The following CACNA1C variants were observed in gnomAD, a reference collection of about 807,000 sequenced individuals.
CACNA1C encodes voltage-dependent L-type calcium channel subunit alpha-1C.
CACNA1C carries 30 observed loss-of-function variants against 229.0 expected under a neutral mutation model. The ratio of observed to expected loss-of-function variants is 0.13; its 90% CI spans 0.10 to 0.18. The LOEUF is 0.18. Among genes scored for constraint, CACNA1C ranks in the 10% least tolerant of loss-of-function variants. The pLI is 1.00. For missense variants in CACNA1C, 1,658 were observed against 2,845.0 expected, an observed-to-expected ratio of 0.58 and a Z score of 9.49; for synonymous variants, 1,114 against 1,132.5, an observed-to-expected ratio of 0.98 and a Z score of 0.33.
intron 1 of CACNA1C, among the ~76,000 whole-genome samples, chr12:2,022,538 G>T (rs1159585409): frequency 6.6e-6 from 1 of 151,368 alleles, no homozygotes; most frequent in African/African-American, 2.4e-5. Context: ...TGGACCTCTG[G>T]GTCCAAGTGG....
Position 1,971,125 on chromosome 12 carries a change from T to C in CACNA1C, c.63T>C (p.Ser21=), listed in dbSNP as rs1225393304. The C allele has an allele frequency of 7.8e-7, 1 of 1,289,346 alleles. No individual in the cohort carries two copies. Among genetic ancestry groups the C allele is most frequent in the Non-Finnish European group, 1.0e-6 (1 of 988,534 alleles). 79.9% of individuals were successfully genotyped at this position (1,289,346 alleles called of 1,614,324 possible). A position where few individuals can be genotyped will look rare whatever the true frequency, so the allele number is the denominator to read the frequency against. The change falls in exon 1 of 47, where the codon TCT becomes TCC. Residue 21 remains serine, a synonymous_variant. Transcript: ENST00000682462. This position sits in a 1 kb window ranked among gnomAD's most constrained non-coding sequence, Gnocchi z 4.2. ...ACCAGCCGCTTCCCAGCCACCTGTC[T>C]GCCAACACGGAGGTCAAGTTTAAGG...
intron 13 of CACNA1C, among the ~76,000 whole-genome samples, chr12:2,579,901 A>C (rs1291061899): frequency 6.6e-6 from 1 of 152,178 alleles, no homozygotes; most frequent in Non-Finnish European, 1.5e-5. Flanking sequence ...AGCCACCTCT[A>C]CTGATGTTGA....
At chr12:2,055,671 C>T (rs2054419903) in intron 1 of CACNA1C, among the ~76,000 whole-genome samples, 1 of 152,196 alleles carries the variant, frequency 6.6e-6, no homozygotes, top group African/African-American at 2.4e-5. Context: ...TCTACCTTTC[C>T]AGCAACATGC....
chr12:2,303,068 G>T (rs1057248624), intron 3 of CACNA1C, among the ~76,000 whole-genome samples: 2 of 152,372 alleles, frequency 1.3e-5, no homozygotes, highest in East Asian at 3.9e-4. Flanking sequence ...GAAACCGGCC[G>T]TGGGAGCTTC....
intron 5 of CACNA1C, among the ~76,000 whole-genome samples, chr12:2,468,433 G>A (rs73248739): frequency 0.039 from 5,923 of 152,272 alleles, 427 homozygotes; most frequent in African/African-American, 0.13. Context: ...CTGATGAATC[G>A]GCCCAGTGGT....
rs200588235 is a variant in CACNA1C, at chr12:2,690,943, A to C, written c.6161A>C (p.Lys2054Thr). ...CTGGGGCAGTTTGCTCAAGATCCCA[A>C]GTTCATCGAGGTCACCACCCAGGAG... Reference protein sequence around the residue: ...EGLGQFAQDPKFIEVTTQELA... With the variant: ...EGLGQFAQDPTFIEVTTQELA... The change falls in exon 47 of 47, where the codon AAG (lysine) becomes ACG (threonine). Residue 2054 changes from lysine (K) to threonine (T), a missense_variant. Lys to Thr is a moderately conservative substitution (Grantham distance 78). Around this residue, in one of 20 missense-constraint regions of CACNA1C, gnomAD observed 590 missense variants for 700.8 expected, o/e 0.84. Coordinates refer to ENST00000399655, the MANE Select transcript of CACNA1C (RefSeq NM_000719.7). 1 of 1,595,696 alleles carries C rather than the reference A, an allele frequency of 6.3e-7. No homozygotes were observed. Among genetic ancestry groups the C allele is most frequent in the Non-Finnish European group, 8.5e-7 (1 of 1,170,224 alleles).
intron 6 of CACNA1C, among the ~76,000 whole-genome samples, chr12:2,491,633 AAGGAGGAGG>A (rs567691310): frequency 6.7e-6 from 1 of 149,322 alleles, no homozygotes; most frequent in African/African-American, 2.5e-5. Flanking sequence ...AGAGGAGAAG[AAGGAGGAGG>A]AGGAGGAGGA....
chr12:2,016,993 C>T (rs890937267), intron 1 of CACNA1C, among the ~76,000 whole-genome samples: 1 of 152,118 alleles, frequency 6.6e-6, no homozygotes, highest in African/African-American at 2.4e-5. Context: ...AACAGGCTGG[C>T]GCTGGGTGGT....
At chr12:2,189,346 A>G (rs1356520730) in intron 3 of CACNA1C, among the ~76,000 whole-genome samples, 1 of 152,148 alleles carries the variant, frequency 6.6e-6, no homozygotes. Context: ...TGAGCACCAA[A>G]TGGCTACCAG....
chr12:2,386,556 G>A (rs2098394680), intron 3 of CACNA1C, among the ~76,000 whole-genome samples: 1 of 152,318 alleles, frequency 6.6e-6, no homozygotes, highest in South Asian at 2.1e-4. Context: ...TGCCTGGCAA[G>A]CACCTGTTCA....
At chr12:2,356,772 G>A (rs1249501714) in intron 3 of CACNA1C, among the ~76,000 whole-genome samples, 6 of 152,172 alleles carry the variant, frequency 3.9e-5, no homozygotes, top group African/African-American at 9.7e-5. Context: ...GTCAGCTTAC[G>A]TGCCTCTCCC....
chr12:2,356,176 G>A (rs1485516505), intron 3 of CACNA1C, among the ~76,000 whole-genome samples: 3 of 152,238 alleles, frequency 2.0e-5, no homozygotes, highest in Admixed American at 1.3e-4. Flanking sequence ...TCAAGAAGTG[G>A]CCTCCGTGAC....
chr12:2,397,266 TGTTTG>T (rs1567445473), intron 3 of CACNA1C, among the ~76,000 whole-genome samples: 1 of 152,238 alleles, frequency 6.6e-6, no homozygotes, highest in African/African-American at 2.4e-5. Flanking sequence ...GGTTTTGTTT[TGTTTG>T]GCTTTTTGCT....
intron 46 of CACNA1C, among the ~76,000 whole-genome samples, chr12:2,690,454 G>A (rs1365749324): frequency 6.6e-6 from 1 of 152,142 alleles, no homozygotes; most frequent in African/African-American, 2.4e-5. Context: ...CTCAGTCTCT[G>A]GCCTTGCTAA....
intron 3 of CACNA1C, among the ~76,000 whole-genome samples, chr12:2,159,745 C>G (rs1045743529): frequency 6.6e-6 from 1 of 152,086 alleles, no homozygotes; most frequent in African/African-American, 2.4e-5. Context: ...GCTGAGATTA[C>G]AGGCATGTGC....
intron 42 of CACNA1C, chr12:2,682,093 G>C: frequency 8.4e-7 from 1 of 1,188,730 alleles, no homozygotes; most frequent in Non-Finnish European, 1.2e-6. Flanking sequence ...CAGGGTGCCA[G>C]TGTCAGAATC....
At chr12:2,541,659 C>T (rs188508646) in intron 9 of CACNA1C, among the ~76,000 whole-genome samples, 177 of 152,348 alleles carry the variant, frequency 1.2e-3, no homozygotes, top group Non-Finnish European at 2.0e-3. Flanking sequence ...TTGACAGCAG[C>T]TGGTGAGCTC....
chr12:2,355,087 C>T (rs372486089), intron 3 of CACNA1C, among the ~76,000 whole-genome samples: 33 of 152,110 alleles, frequency 2.2e-4, no homozygotes, highest in African/African-American at 7.2e-4. Context: ...TGCCCGCTTC[C>T]CCGGGTATTT....
intron 5 of CACNA1C, among the ~76,000 whole-genome samples, chr12:2,474,749 T>G (rs1261914661): frequency 1.0e-5 from 1 of 96,976 alleles, no homozygotes; most frequent in East Asian, 3.4e-4. Flanking sequence ...ACAGCGAAAC[T>G]CCATCTCAAA....
Sources: gnomAD v4.1 joint callset for allele counts (sites outside exome capture counted in the v4.1 genomes callset) on GRCh38, gnomAD v4.1.1 for gene constraint, gnomAD v4.1.1 regional missense constraint, Gnocchi (gnomAD v3.1) non-coding constraint, MANE v1.5 for transcripts, NCBI Gene and HGNC (gene_info 2026-07-23, HGNC 2026-07-21) for gene names.